The following NALF1 variants were observed in gnomAD, a reference collection of about 807,000 sequenced individuals.
NALF1 encodes NALCN channel auxiliary factor 1, also known as family with sequence similarity 155 member A.
Under a neutral mutation model 48.4 loss-of-function variants are expected in NALF1, and 3 were observed. The ratio of observed to expected loss-of-function variants is 0.06; its 90% CI spans 0.03 to 0.16. The LOEUF (loss-of-function observed/expected upper bound fraction) is 0.16. Among genes scored for constraint, NALF1 ranks in the 10% least tolerant of loss-of-function variants. The probability of loss-of-function intolerance (pLI) is 1.00; values close to 1 mark genes in which losing one functional copy is unlikely to be tolerated. For synonymous variants in NALF1, 262 were observed against 245.7 expected (o/e 1.07, Z -0.62); for missense variants, 526 against 571.5 (o/e 0.92, Z 0.81).
chr13:107,831,138 A>C (rs1297719012), intron 1 of NALF1, among the ~76,000 whole-genome samples: 1 of 152,216 alleles, frequency 6.6e-6, no homozygotes, highest in Non-Finnish European at 1.5e-5. Flanking sequence ...TCCTACTCTG[A>C]ATAAGAAATT....
At chr13:107,767,797 A>G (rs1013001669) in intron 1 of NALF1, among the ~76,000 whole-genome samples, 6 of 152,188 alleles carry the variant, frequency 3.9e-5, no homozygotes, top group Non-Finnish European at 8.8e-5. Flanking sequence ...CTCTATTTAT[A>G]TATGATAGCA....
At chr13:107,599,375 T>C (rs187948978) in intron 1 of NALF1, among the ~76,000 whole-genome samples, 106 of 151,290 alleles carry the variant, frequency 7.0e-4, no homozygotes, top group Middle Eastern at 3.4e-3. Flanking sequence ...TGAGCCAAGA[T>C]TGCGCCACTG....
intron 1 of NALF1, among the ~76,000 whole-genome samples, chr13:107,680,560 ATG>A (rs1354126549): frequency 6.6e-6 from 1 of 151,240 alleles, no homozygotes; most frequent in Non-Finnish European, 1.5e-5. Flanking sequence ...GTGTGTGAGA[ATG>A]TGTGTGAATG....
chr13:107,166,357 T>C lies in NALF1; in HGVS notation c.*4140A>G, dbSNP rs1049176033. 6.6e-6 allele frequency: 1 copy of C among 152,054 alleles called. No homozygotes were observed. Among genetic ancestry groups the C allele is most frequent in the Non-Finnish European group, 1.5e-5 (1 of 68,062 alleles). The allele number at this position is 152,054 out of a possible 1,614,324, so 9.4% of individuals were successfully genotyped here. On this transcript the variant is annotated 3_prime_UTR_variant, in exon 3 of 3. Transcript: ENST00000375915. ...ATCGCTTGAACCCAGGAAGTGGAGG[T>C]TGCAGTGAGCAGAGATCTTGCCGCT...
chr13:107,391,395 A>C lies in NALF1; in HGVS notation c.916-180640T>G, dbSNP rs115041278. ...GGCATAATGTTACGAGAAAAGGAAA[A>C]AATATTTAACCCCCAAATACATTTC... On this transcript the variant is annotated intron_variant, in intron 1 of 2. Coordinates refer to ENST00000375915, the MANE Select transcript of NALF1 (RefSeq NM_001080396.3). 9.9e-3 allele frequency among the ~76,000 whole-genome samples: 1,505 copies of C among 152,292 alleles called. 27 individuals carry two copies. The highest frequency in any genetic ancestry group is 0.035 in the African/African-American group (1,445 of 41,562).
intron 1 of NALF1, among the ~76,000 whole-genome samples, chr13:107,283,120 C>T (rs940793942): frequency 1.3e-5 from 2 of 152,092 alleles, no homozygotes; most frequent in Non-Finnish European, 2.9e-5. Flanking sequence ...TTGTTAGAAC[C>T]ACATTGGCCG....
intron 1 of NALF1, among the ~76,000 whole-genome samples, chr13:107,367,121 A>G (rs2138960665): frequency 6.6e-6 from 1 of 152,362 alleles, no homozygotes. Context: ...CAAGGAAAGA[A>G]ACACTGCAGG....
intron 1 of NALF1, among the ~76,000 whole-genome samples, chr13:107,520,852 C>A (rs1021353733): frequency 6.6e-6 from 1 of 152,098 alleles, no homozygotes; most frequent in Non-Finnish European, 1.5e-5. Context: ...CCAGGGTAGA[C>A]CCCTGCCTGT....
chr13:107,276,613 C>T (rs1274735047), intron 1 of NALF1, among the ~76,000 whole-genome samples: 3 of 152,066 alleles, frequency 2.0e-5, no homozygotes, highest in Non-Finnish European at 2.9e-5. Flanking sequence ...TATTTATATG[C>T]CTGCTGTTTT....
chr13:107,517,945 C>T (rs1876116745), intron 1 of NALF1, among the ~76,000 whole-genome samples: 2 of 152,114 alleles, frequency 1.3e-5, no homozygotes, highest in Admixed American at 6.6e-5. Flanking sequence ...CACAGCGAGA[C>T]ACCATCTCAA....
chr13:107,590,347 A>T (rs1053465841), intron 1 of NALF1, among the ~76,000 whole-genome samples: 1 of 152,044 alleles, frequency 6.6e-6, no homozygotes, highest in African/African-American at 2.4e-5. Flanking sequence ...AGAAAATGCA[A>T]TTTACGACCT....
intron 1 of NALF1, among the ~76,000 whole-genome samples, chr13:107,700,025 T>C (rs1368525783): frequency 6.6e-6 from 1 of 152,046 alleles, no homozygotes; most frequent in Non-Finnish European, 1.5e-5. Flanking sequence ...AATAGGAAGC[T>C]ATCCCATGTT....
intron 1 of NALF1, among the ~76,000 whole-genome samples, chr13:107,589,415 G>A (rs1878545008): frequency 6.6e-6 from 1 of 151,926 alleles, no homozygotes; most frequent in South Asian, 2.1e-4. Flanking sequence ...AATAATTGCT[G>A]AAACACCAAG....
At chr13:107,461,435 A>C (rs1884917161) in intron 1 of NALF1, among the ~76,000 whole-genome samples, 1 of 152,206 alleles carries the variant, frequency 6.6e-6, no homozygotes, top group Admixed American at 6.5e-5. Context: ...CACATTTTCC[A>C]GTTGCAGAAA....
At chr13:107,689,224 C>T (rs1881512712) in intron 1 of NALF1, among the ~76,000 whole-genome samples, 2 of 152,252 alleles carry the variant, frequency 1.3e-5, no homozygotes, top group South Asian at 2.1e-4. Context: ...TTCACCTTCT[C>T]TGACTCTGTC....
intron 1 of NALF1, among the ~76,000 whole-genome samples, chr13:107,474,393 G>C (rs1008154351): frequency 6.6e-6 from 1 of 152,146 alleles, no homozygotes; most frequent in Non-Finnish European, 1.5e-5. Flanking sequence ...CCACACTGTT[G>C]TTGGAATAAG....
At position 107,362,499 on chromosome 13, in the gene NALF1, C is replaced by CT. The variant is rs1263008529; in HGVS notation, c.916-151745dup. ...AGCTGCATGACTCCAATTTATACCA[C>CT]TGTTGTCACTTGGCATTCTCCTGTG... is the stretch of plus-strand genomic sequence containing the variant. On this transcript the variant is annotated intron_variant, in intron 1 of 2. Transcript: ENST00000375915. The surrounding 1 kb of genome is among the most constrained non-coding windows in gnomAD (Gnocchi z 4.6). Among the ~76,000 whole-genome samples, 1 of 152,166 alleles carries CT rather than the reference C, an allele frequency of 6.6e-6. No homozygotes were observed. The highest frequency in any genetic ancestry group is 1.5e-5 in the Non-Finnish European group (1 of 68,032).
At chr13:107,178,974 A>G (rs1305819846) in intron 2 of NALF1, among the ~76,000 whole-genome samples, 1 of 152,010 alleles carries the variant, frequency 6.6e-6, no homozygotes, top group African/African-American at 2.4e-5. Context: ...AAAACAAAAA[A>G]TAGAGCTACC....
At chr13:107,400,915 T>C (rs1364961185) in intron 1 of NALF1, among the ~76,000 whole-genome samples, 1 of 151,946 alleles carries the variant, frequency 6.6e-6, no homozygotes, top group Non-Finnish European at 1.5e-5. Context: ...TACACACTTT[T>C]CCCCAGTGAA....
Sources: allele counts gnomAD v4.1 joint callset (sites outside exome capture counted in the v4.1 genomes callset), GRCh38; gene constraint gnomAD v4.1.1; non-coding constraint Gnocchi (gnomAD v3.1); transcripts MANE v1.5; gene names NCBI Gene and HGNC (gene_info 2026-07-23, HGNC 2026-07-21).